The following NAALADL2 variants were observed in gnomAD, a reference collection of about 807,000 sequenced individuals.
NAALADL2 encodes N-acetylated alpha-linked acidic dipeptidase like 2, also known as inactive N-acetylated-alpha-linked acidic dipeptidase-like protein 2.
A neutral mutation model predicts 87.2 loss-of-function variants in NAALADL2; 76 were observed. That is an observed-to-expected ratio of 0.87 (90% CI 0.72 to 1.05). NAALADL2 has a LOEUF of 1.05. Ranked by LOEUF, NAALADL2 falls within the 50% of genes least tolerant of loss-of-function variation. The pLI, the probability that NAALADL2 is intolerant of heterozygous loss-of-function variation, is 0.00. For missense variants in NAALADL2, 1,089 were observed against 945.8 expected, an observed-to-expected ratio of 1.15 and a Z score of -1.99; for synonymous variants, 354 against 331.0, an observed-to-expected ratio of 1.07 and a Z score of -0.75.
chr3:174,776,144 G>C (rs1336097715), intron 3 of NAALADL2, among the ~76,000 whole-genome samples: 1 of 152,070 alleles, frequency 6.6e-6, no homozygotes, highest in African/African-American at 2.4e-5. Flanking sequence ...GCCTAGCCAA[G>C]CAAGACAAAT....
At chr3:175,798,559 A>G (rs1041293905) in intron 13 of NAALADL2, among the ~76,000 whole-genome samples, 3 of 152,074 alleles carry the variant, frequency 2.0e-5, no homozygotes, top group Non-Finnish European at 4.4e-5. Flanking sequence ...GCATGTTACT[A>G]TGTTGCTTAC....
At chr3:174,901,246 G>A (rs970150685) in intron 1 of NAALADL2, among the ~76,000 whole-genome samples, 5 of 152,212 alleles carry the variant, frequency 3.3e-5, no homozygotes, top group Admixed American at 6.5e-5. Flanking sequence ...AAGGAATGTA[G>A]TTTTAGCTGA....
intron 9 of NAALADL2, among the ~76,000 whole-genome samples, chr3:175,540,834 A>G (rs1712188557): frequency 6.6e-6 from 1 of 152,076 alleles, no homozygotes; most frequent in Non-Finnish European, 1.5e-5. Context: ...AGGACTAAAC[A>G]CTCGCCTTCA....
At chr3:175,094,417 A>C (rs569887168) in intron 1 of NAALADL2, among the ~76,000 whole-genome samples, 231 of 152,100 alleles carry the variant, frequency 1.5e-3, no homozygotes, top group African/African-American at 5.3e-3. Context: ...ACTTTTTTCT[A>C]TCCTCTAGTA....
intron 1 of NAALADL2, among the ~76,000 whole-genome samples, chr3:175,042,052 T>C (rs1222302080): frequency 2.0e-5 from 3 of 152,150 alleles, no homozygotes; most frequent in African/African-American, 7.2e-5. Context: ...TGCAAGTTTG[T>C]TCACTTTGAC....
chr3:174,867,628 C>T (rs1522998), intron 1 of NAALADL2, among the ~76,000 whole-genome samples: 45,456 of 151,802 alleles, frequency 0.3, 6,857 homozygotes, highest in Admixed American at 0.34. Context: ...AATGCACAGT[C>T]TTATTCCTAT....
intron 11 of NAALADL2, among the ~76,000 whole-genome samples, chr3:175,642,309 A>G (rs1292715628): frequency 6.6e-6 from 1 of 152,202 alleles, no homozygotes; most frequent in East Asian, 1.9e-4. Context: ...TCTTGTGTGC[A>G]TAAAACTTTC....
At chr3:175,529,318 A>C (rs1376849333) in intron 9 of NAALADL2, among the ~76,000 whole-genome samples, 4 of 152,156 alleles carry the variant, frequency 2.6e-5, no homozygotes, top group Non-Finnish European at 5.9e-5. Context: ...GTTTAATGGA[A>C]TCCTTGTGTT....
intron 1 of NAALADL2, among the ~76,000 whole-genome samples, chr3:174,524,209 T>C (rs527753668): frequency 6.6e-6 from 1 of 152,344 alleles, no homozygotes; most frequent in African/African-American, 2.4e-5. Flanking sequence ...TAATGACTAA[T>C]GTATCAGATG....
At chr3:175,706,628 G>T (rs1204069684) in intron 11 of NAALADL2, among the ~76,000 whole-genome samples, 1 of 152,194 alleles carries the variant, frequency 6.6e-6, no homozygotes, top group African/African-American at 2.4e-5. Flanking sequence ...TAGTCACATT[G>T]TCTCCCAGAA....
At chr3:175,733,292 G>A (rs1744041506) in intron 11 of NAALADL2, among the ~76,000 whole-genome samples, 1 of 152,206 alleles carries the variant, frequency 6.6e-6, no homozygotes, top group Non-Finnish European at 1.5e-5. Flanking sequence ...ACAGTTCCAT[G>A]TGGCTGGGGA....
At chr3:174,783,619 A>G (rs1716263668) in intron 3 of NAALADL2, among the ~76,000 whole-genome samples, 1 of 152,056 alleles carries the variant, frequency 6.6e-6, no homozygotes, top group South Asian at 2.1e-4. Context: ...AGGCTTTAAT[A>G]TATATATATT....
chr3:174,889,811 G>A (rs1730648173), intron 1 of NAALADL2, among the ~76,000 whole-genome samples: 2 of 152,128 alleles, frequency 1.3e-5, no homozygotes, highest in Non-Finnish European at 2.9e-5. Flanking sequence ...CAACATTCAT[G>A]TGATTATATG....
chr3:175,003,869 A>AGAGCAGTG (rs1748599867), intron 1 of NAALADL2, among the ~76,000 whole-genome samples: 1 of 152,236 alleles, frequency 6.6e-6, no homozygotes, highest in Non-Finnish European at 1.5e-5. Flanking sequence ...GTGCATTCAC[A>AGAGCAGTG]ACAGAACAAG....
At chr3:174,935,811 TTC>T in intron 1 of NAALADL2, among the ~76,000 whole-genome samples, 1 of 152,162 alleles carries the variant, frequency 6.6e-6, no homozygotes, top group East Asian at 1.9e-4. Context: ...TTATAATCAT[TTC>T]TTCTAACATA....
chr3:174,947,836 T>G (rs1739690778), intron 1 of NAALADL2, among the ~76,000 whole-genome samples: 1 of 152,016 alleles, frequency 6.6e-6, no homozygotes. Flanking sequence ...TTATTATAAT[T>G]ATTATTTCAA....
chr3:175,520,120 A>G (rs1012774298), intron 9 of NAALADL2, among the ~76,000 whole-genome samples: 1 of 152,176 alleles, frequency 6.6e-6, no homozygotes, highest in African/African-American at 2.4e-5. Context: ...TTATTTGGCA[A>G]CAAGCTAAAT....
intron 11 of NAALADL2, among the ~76,000 whole-genome samples, chr3:175,683,567 C>T (rs114330817): frequency 0.019 from 2,914 of 151,864 alleles, 104 homozygotes; most frequent in African/African-American, 0.067. Flanking sequence ...TCTTTGGTTA[C>T]TGATATATAC....
intron 5 of NAALADL2, among the ~76,000 whole-genome samples, chr3:175,396,612 G>T (rs1174820744): frequency 6.6e-6 from 1 of 151,954 alleles, no homozygotes; most frequent in Non-Finnish European, 1.5e-5. Flanking sequence ...CTAGGTCTTT[G>T]GTTATACTTA....
Sources: gnomAD v4.1 joint callset for allele counts (sites outside exome capture counted in the v4.1 genomes callset) on GRCh38, gnomAD v4.1.1 for gene constraint, MANE v1.5 for transcripts, NCBI Gene and HGNC (gene_info 2026-07-23, HGNC 2026-07-21) for gene names.